Variants in OSBPL10 observed in about 807,000 individuals in gnomAD.
OSBPL10 encodes oxysterol-binding protein-related protein 10.
Under a neutral mutation model 81.7 loss-of-function variants are expected in OSBPL10, and 49 were observed. The observed-to-expected ratio is 0.60, with a 90% CI of 0.48 to 0.76. The LOEUF (loss-of-function observed/expected upper bound fraction) is 0.76, where lower values mean the gene tolerates loss of function less well. OSBPL10 is among the 30% of genes least tolerant of loss of function. The pLI, the probability that OSBPL10 is intolerant of heterozygous loss-of-function variation, is 0.00. For synonymous variants in OSBPL10, 419 were observed against 383.6 expected (o/e 1.09, Z -1.08); for missense variants, 923 against 987.8 (o/e 0.93, Z 0.88).
intron 1 of OSBPL10, among the ~76,000 whole-genome samples, chr3:32,073,771 C>T (rs568058572): frequency 1.1e-4 from 16 of 152,164 alleles, no homozygotes; most frequent in South Asian, 6.2e-4. Flanking sequence ...TTTACACTGC[C>T]GGTTTACATT....
intron 1 of OSBPL10, among the ~76,000 whole-genome samples, chr3:31,904,947 C>CAA (rs2125682630): frequency 6.6e-6 from 1 of 152,248 alleles, no homozygotes; most frequent in African/African-American, 2.4e-5. Flanking sequence ...GAGGCAGCTA[C>CAA]AAGCATCTGC....
In OSBPL10 at chr3:31,734,331, CTAAT is replaced by C. The variant is rs1697081482; in HGVS notation, c.941-924_941-921del. Reference sequence around the variant, plus strand: ...CGGGGGAGGGGAAAAGACTTTTACTCTAATTTTTTTTAAGGGTCATATATTATTG... The same window carrying C: ...CGGGGGAGGGGAAAAGACTTTTACTCTTTTTTTAAGGGTCATATATTATTG... On this transcript the variant is annotated intron_variant, in intron 5 of 11. Transcript: ENST00000396556. 1.3e-5 allele frequency among the ~76,000 whole-genome samples: 2 copies of C among 152,300 alleles called. 1 individual carries two copies. Among genetic ancestry groups the C allele is most frequent in the South Asian group, 4.1e-4 (2 of 4,820 alleles).
At chr3:31,783,146 T>TATATATATATATATATATATACAC (rs1485968747) in intron 4 of OSBPL10, among the ~76,000 whole-genome samples, 9 of 112,988 alleles carry the variant, frequency 8.0e-5, no homozygotes, top group African/African-American at 2.3e-4. Context: ...TATATATATA[T>TATATATATATATATATATATACAC]ACACACACAC....
chr3:31,738,631 G>A (rs1034432428), intron 5 of OSBPL10, among the ~76,000 whole-genome samples: 5 of 152,080 alleles, frequency 3.3e-5, no homozygotes, highest in Non-Finnish European at 4.4e-5. Flanking sequence ...TAATCCTAAT[G>A]GTGACCCACG....
chr3:31,719,768 T>C (rs916299262), intron 6 of OSBPL10, among the ~76,000 whole-genome samples: 1 of 152,070 alleles, frequency 6.6e-6, no homozygotes, highest in Non-Finnish European at 1.5e-5. Flanking sequence ...ATAATATATG[T>C]AGAGGACAAT....
In OSBPL10 at chr3:32,022,192, C is replaced by T. The variant is rs975718670; in HGVS notation, n.298+24299G>A. Among the ~76,000 whole-genome samples, 10 of 152,072 alleles carry T rather than the reference C, an allele frequency of 6.6e-5. No homozygotes were observed. In the East Asian group the frequency reaches 1.3e-3, roughly 20 times the overall value. Reference sequence around the variant, plus strand: ...TATAGATATGCAGTTGTCCCAGCACCATTTTGTTATGGAACCGAACTGGGG... The same window carrying T: ...TATAGATATGCAGTTGTCCCAGCACTATTTTGTTATGGAACCGAACTGGGG... On this transcript the variant is annotated intron_variant and non_coding_transcript_variant, in intron 2 of 3. Transcript: ENST00000479173.
intron 7 of OSBPL10, among the ~76,000 whole-genome samples, chr3:31,685,645 T>C (rs1700775250): frequency 6.6e-6 from 1 of 152,142 alleles, no homozygotes; most frequent in African/African-American, 2.4e-5. Flanking sequence ...ACCAATACCA[T>C]GGGGCTGGTT....
intron 1 of OSBPL10, among the ~76,000 whole-genome samples, chr3:31,975,663 G>A (rs965167124): frequency 6.6e-6 from 1 of 152,176 alleles, no homozygotes; most frequent in Non-Finnish European, 1.5e-5. Flanking sequence ...TTTGCAGAGA[G>A]CAGGACAGAT....
intron 5 of OSBPL10, 58 bp from the exon 6 acceptor site, chr3:31,733,469 A>C: frequency 1.2e-6 from 2 of 1,603,808 alleles, no homozygotes; most frequent in South Asian, 1.1e-5. Flanking sequence ...TTTATAGCTC[A>C]TGAAATATTT....
At chr3:31,700,499 A>G (rs996131087) in intron 7 of OSBPL10, 1 of 152,172 alleles carries the variant, frequency 6.6e-6, no homozygotes, top group African/African-American at 2.4e-5. Context: ...AAAAATCCAC[A>G]ATGAGAATAT....
intron 1 of OSBPL10, among the ~76,000 whole-genome samples, chr3:31,915,736 T>C (rs1412944535): frequency 6.6e-6 from 1 of 150,506 alleles, no homozygotes; most frequent in Non-Finnish European, 1.5e-5. Flanking sequence ...CCTGCCCGTG[T>C]ACCTCCAAAT....
intron 2 of OSBPL10, chr3:31,989,144 G>C (rs1375399347): frequency 1.2e-6 from 2 of 1,614,174 alleles, no homozygotes; most frequent in Non-Finnish European, 1.7e-6. Flanking sequence ...CTTCCTCAGG[G>C]ACACTTGACT....
chr3:31,670,721 T>C, intron 9 of OSBPL10, 76 bp downstream of exon 9: 1 of 1,420,658 alleles, frequency 7.0e-7, no homozygotes, highest in Non-Finnish European at 9.6e-7. Context: ...TTACTGAAAC[T>C]CAGTCTTCTA....
intron 1 of OSBPL10, among the ~76,000 whole-genome samples, chr3:31,944,817 C>A (rs1265744327): frequency 9.0e-6 from 1 of 110,922 alleles, no homozygotes; most frequent in East Asian, 3.0e-4. Context: ...GGCAACAGAG[C>A]AAGACCCCCT....
chr3:31,816,555 C>T (rs924559934), intron 4 of OSBPL10, among the ~76,000 whole-genome samples: 1 of 152,180 alleles, frequency 6.6e-6, no homozygotes, highest in Non-Finnish European at 1.5e-5. Flanking sequence ...GGCACAGTGT[C>T]CAGATATTTG....
intron 9 of OSBPL10, 35 bp from the exon 10 acceptor site, chr3:31,668,859 A>G: frequency 2.7e-6 from 4 of 1,488,142 alleles, no homozygotes; most frequent in Non-Finnish European, 3.6e-6. Context: ...CACACTTTTC[A>G]AAATGATAAA....
At chr3:32,071,582 G>A (rs4955231) in intron 1 of OSBPL10, among the ~76,000 whole-genome samples, 54,879 of 148,154 alleles carry the variant, frequency 0.37, 11,116 homozygotes, top group Non-Finnish European at 0.51. Flanking sequence ...TTTTAGGCTG[G>A]CCATCATGTC....
chr3:31,724,005 A>G (rs1345742195), intron 6 of OSBPL10, among the ~76,000 whole-genome samples: 2 of 152,220 alleles, frequency 1.3e-5, no homozygotes, highest in Non-Finnish European at 2.9e-5. Context: ...ATTTAGGGCC[A>G]TGTTTAGAGG....
At chr3:31,807,822 T>C (rs1326517638) in intron 4 of OSBPL10, among the ~76,000 whole-genome samples, 1 of 152,172 alleles carries the variant, frequency 6.6e-6, no homozygotes, top group East Asian at 1.9e-4. Flanking sequence ...AGACATGATG[T>C]GGCCAAATTT....
Sources: allele counts gnomAD v4.1 joint callset (sites outside exome capture counted in the v4.1 genomes callset), GRCh38; gene constraint gnomAD v4.1.1; transcripts MANE v1.5; gene names NCBI Gene and HGNC (gene_info 2026-07-23, HGNC 2026-07-21).